The following LRRTM4 variants were observed in gnomAD, a reference collection of about 807,000 sequenced individuals.
LRRTM4 encodes leucine rich repeat transmembrane neuronal 4.
Under a neutral mutation model 47.6 loss-of-function variants are expected in LRRTM4, and 25 were observed. The observed-to-expected ratio is 0.53, with a 90% CI of 0.38 to 0.73. LRRTM4 has a LOEUF of 0.73. Ranked by LOEUF, LRRTM4 falls within the 30% of genes least tolerant of loss-of-function variation. The pLI, the probability that LRRTM4 is intolerant of heterozygous loss-of-function variation, is 0.00. For synonymous variants in LRRTM4, 311 were observed against 269.5 expected, an observed-to-expected ratio of 1.15 and a Z score of -1.51; for missense variants, 638 against 713.4, an observed-to-expected ratio of 0.89 and a Z score of 1.20.
intron 3 of LRRTM4, among the ~76,000 whole-genome samples, chr2:77,266,792 T>G (rs887047820): frequency 1.3e-5 from 2 of 151,666 alleles, no homozygotes; most frequent in African/African-American, 4.8e-5. Context: ...CACAAGAGAG[T>G]GCAGGATGAA....
At chr2:76,759,650 T>G (rs1361518057) in intron 3 of LRRTM4, among the ~76,000 whole-genome samples, 1 of 152,140 alleles carries the variant, frequency 6.6e-6, no homozygotes, top group African/African-American at 2.4e-5. Context: ...TGTGTGTATG[T>G]AGAAGTCAAA....
At chr2:77,128,450 A>G (rs1295648640) in intron 3 of LRRTM4, among the ~76,000 whole-genome samples, 6 of 149,332 alleles carry the variant, frequency 4.0e-5, no homozygotes, top group Non-Finnish European at 7.4e-5. Flanking sequence ...TTAAAACTAA[A>G]ACTTTTTCCA....
intron 3 of LRRTM4, among the ~76,000 whole-genome samples, chr2:76,848,997 CCT>C (rs1355049112): frequency 3.3e-5 from 5 of 152,154 alleles, no homozygotes; most frequent in Admixed American, 3.3e-4. Flanking sequence ...CTGTACATTC[CCT>C]GTTATACCAG....
intron 3 of LRRTM4, among the ~76,000 whole-genome samples, chr2:76,889,346 A>G (rs1673177863): frequency 6.6e-6 from 1 of 152,004 alleles, no homozygotes; most frequent in African/African-American, 2.4e-5. Flanking sequence ...ATTTTTATAC[A>G]GACTTCAAAA....
intron 3 of LRRTM4, among the ~76,000 whole-genome samples, chr2:76,957,317 G>C (rs532452902): frequency 1.3e-5 from 2 of 151,538 alleles, no homozygotes; most frequent in Non-Finnish European, 3.0e-5. Context: ...AAATGAAAAA[G>C]TTTTAGAGAT....
intron 3 of LRRTM4, among the ~76,000 whole-genome samples, chr2:77,011,199 T>C (rs913105507): frequency 1.3e-5 from 2 of 152,162 alleles, no homozygotes; most frequent in Non-Finnish European, 2.9e-5. Context: ...GCCCAATATT[T>C]TCAAAAATAT....
chr2:77,010,545 C>CACACACACACACACAG (rs370829024), intron 3 of LRRTM4, among the ~76,000 whole-genome samples: 1 of 148,858 alleles, frequency 6.7e-6, no homozygotes, highest in Non-Finnish European at 1.5e-5. Context: ...CACACACACA[C>CACACACACACACACAG]AGTCTTTAAC....
Position 77,521,725 on chromosome 2 carries a change from C to G in LRRTM4, c.-54G>C, listed in dbSNP as rs1679510508. On this transcript the variant is annotated 5_prime_UTR_variant, in exon 2 of 4. Transcript: ENST00000409884. ...TCTCTCAGCTTTCTTCTTATTTGGT[C>G]TCTTGTGCGGAAACCACCACCACCT... The G allele has an allele frequency of 1.2e-6, 2 of 1,608,106 alleles. No homozygotes were observed. The highest frequency in any genetic ancestry group is 2.2e-5 in the South Asian group (2 of 90,934).
intron 3 of LRRTM4, among the ~76,000 whole-genome samples, chr2:76,960,828 A>G (rs1486049889): frequency 6.6e-6 from 1 of 151,560 alleles, no homozygotes; most frequent in East Asian, 1.9e-4. Flanking sequence ...TATAAAATTT[A>G]AAATGAGAAA....
intron 3 of LRRTM4, among the ~76,000 whole-genome samples, chr2:77,182,790 A>G (rs1673386891): frequency 6.6e-6 from 1 of 152,182 alleles, no homozygotes; most frequent in South Asian, 2.1e-4. Context: ...CCCATTCAGT[A>G]TGATATTGGC....
intron 3 of LRRTM4, among the ~76,000 whole-genome samples, chr2:76,863,289 G>C (rs1336816482): frequency 2.0e-5 from 3 of 152,140 alleles, no homozygotes; most frequent in African/African-American, 7.2e-5. Context: ...CAGGCTGAAA[G>C]AATACTCACT....
chr2:77,089,952 T>G (rs556846017), intron 3 of LRRTM4, among the ~76,000 whole-genome samples: 4 of 152,144 alleles, frequency 2.6e-5, no homozygotes, highest in Non-Finnish European at 4.4e-5. Context: ...CAAATCTTCC[T>G]TCTTTCCCTC....
chr2:77,073,607 T>C (rs1201709639), intron 3 of LRRTM4, among the ~76,000 whole-genome samples: 1 of 152,072 alleles, frequency 6.6e-6, no homozygotes, highest in African/African-American at 2.4e-5. Context: ...CACCAAAAGA[T>C]ATTATTGATT....
chr2:76,804,789 T>TATCA (rs1285583323), intron 3 of LRRTM4, among the ~76,000 whole-genome samples: 28 of 150,276 alleles, frequency 1.9e-4, no homozygotes, highest in Middle Eastern at 7.1e-3. Flanking sequence ...TTTATATATA[T>TATCA]ATCATTGTTT....
At chr2:76,942,106 ATCT>A (rs1387441629) in intron 3 of LRRTM4, among the ~76,000 whole-genome samples, 5 of 152,012 alleles carry the variant, frequency 3.3e-5, no homozygotes, top group Admixed American at 3.3e-4. Context: ...CCACATAAAT[ATCT>A]TCTTTTGAGA....
Position 77,519,089 on chromosome 2 carries a change from T to A in LRRTM4, c.780A>T (p.Leu260Phe). The change falls in exon 3 of 4, where the codon TTA becomes TTT. Residue 260 changes from leucine (L) to phenylalanine (F), a missense_variant. Physicochemically the swap from Leu to Phe is conservative, Grantham distance 22 (BLOSUM62 0). Transcript: ENST00000409884. This position sits in a 1 kb window ranked among gnomAD's most constrained non-coding sequence, Gnocchi z 4.6. ...CAATTCCTTGGATGTCATTCCCTGA[T>A]AAATCCAAGTTGTGTAAGGAACTCC... ...WTWSSLHNLD[L>F]SGNDIQGIEP... 1 of 1,612,948 alleles carries A rather than the reference T, an allele frequency of 6.2e-7. No homozygotes were observed. The highest frequency in any genetic ancestry group is 1.1e-5 in the South Asian group (1 of 91,028).
intron 3 of LRRTM4, among the ~76,000 whole-genome samples, chr2:77,070,039 ACAGAT>A (rs1680098515): frequency 6.6e-6 from 1 of 151,968 alleles, no homozygotes; most frequent in Non-Finnish European, 1.5e-5. Flanking sequence ...CAAGTACTGC[ACAGAT>A]CAGATTATAT....
chr2:77,078,336 GATA>G (rs954191952), intron 3 of LRRTM4, among the ~76,000 whole-genome samples: 6 of 151,306 alleles, frequency 4.0e-5, no homozygotes, highest in African/African-American at 1.5e-4. Flanking sequence ...ATCTAGGAAA[GATA>G]ATTTTATTGA....
intron 3 of LRRTM4, among the ~76,000 whole-genome samples, chr2:76,923,517 T>G (rs1674498102): frequency 6.6e-6 from 1 of 152,052 alleles, no homozygotes; most frequent in African/African-American, 2.4e-5. Context: ...CATAGAAAAT[T>G]TCAAATGTAT....
Sources: allele counts gnomAD v4.1 joint callset (sites outside exome capture counted in the v4.1 genomes callset), GRCh38; gene constraint gnomAD v4.1.1; non-coding constraint Gnocchi (gnomAD v3.1); transcripts MANE v1.5; gene names NCBI Gene and HGNC (gene_info 2026-07-23, HGNC 2026-07-21).